The following MGAT3 variants were observed in gnomAD, a reference collection of about 807,000 sequenced individuals.
The protein encoded by MGAT3 is GlcNAc-T III.
Under a neutral mutation model 29.8 loss-of-function variants are expected in MGAT3, and 9 were observed. That is an observed-to-expected ratio of 0.30 (90% CI 0.18 to 0.53). The LOEUF (loss-of-function observed/expected upper bound fraction) is 0.53, where lower values mean the gene tolerates loss of function less well. Among genes scored for constraint, MGAT3 ranks in the 20% least tolerant of loss-of-function variants. MGAT3 has a pLI of 0.96. For missense variants in MGAT3, 557 were observed against 769.5 expected, an observed-to-expected ratio of 0.72 and a Z score of 3.27; for synonymous variants, 397 against 348.9, an observed-to-expected ratio of 1.14 and a Z score of -1.54.
chr22:39,466,137 TC>T (rs1218719910), intron 1 of MGAT3, among the ~76,000 whole-genome samples: 2 of 152,064 alleles, frequency 1.3e-5, no homozygotes, highest in African/African-American at 2.4e-5. Context: ...CTCTGTGCTT[TC>T]CTGATGTTCT....
chr22:39,483,171 C>T (rs1476514818), intron 1 of MGAT3, among the ~76,000 whole-genome samples: 1 of 152,202 alleles, frequency 6.6e-6, no homozygotes, highest in African/African-American at 2.4e-5. Context: ...TAGAGTGTCC[C>T]CCTCAGAGGC....
Position 39,489,205 on chromosome 22 carries a change from T to G in MGAT3, c.*256T>G. 1.7e-6 allele frequency: 1 copy of G among 589,874 alleles called. No individual in the cohort carries two copies. Among genetic ancestry groups the G allele is most frequent in the Non-Finnish European group, 3.0e-6 (1 of 328,010 alleles). 36.5% of individuals were successfully genotyped at this position (589,874 alleles called of 1,614,324 possible). A position where few individuals can be genotyped will look rare whatever the true frequency, so the allele number is the denominator to read the frequency against. ...GCCCTTATGACTGCCAAGACTGCTG[T>G]GGCCAGGAGGTGCCACTGGAGTGTG... On this transcript the variant is annotated 3_prime_UTR_variant, in exon 2 of 2. Transcript: ENST00000341184.
chr22:39,488,208 C>A lies in MGAT3; in HGVS notation c.861C>A (p.Ile287=). The A allele has an allele frequency of 6.2e-7, 1 of 1,612,722 alleles. No individual in the cohort carries two copies. Among genetic ancestry groups the A allele is most frequent in the South Asian group, 1.1e-5 (1 of 91,058 alleles). Residue 287 remains isoleucine, a synonymous_variant, in exon 2 of 2, where the codon ATC becomes ATA. Transcript: ENST00000341184. ...FPPGGRQDGW[I]ADDYLRTFLT... ...CCGGCGGCCGGCAGGACGGCTGGAT[C>A]GCCGACGACTACCTGCGCACCTTCC... is the stretch of plus-strand genomic sequence containing the variant.
Position 39,457,910 on chromosome 22 carries a change from C to T in MGAT3, c.-2+353C>T, listed in dbSNP as rs1412932900. Among the ~76,000 whole-genome samples the T allele has an allele frequency of 1.3e-5, 2 of 151,684 alleles. No individual in the cohort carries two copies. The highest frequency in any genetic ancestry group is 3.9e-4 in the East Asian group (2 of 5,100). ...TTTGTGCGCGGCACCCCCCAGCCTC[C>T]GGCGCGGCTCCCCCACAACCTCCGG... On this transcript the variant is annotated intron_variant, in intron 1 of 1. Transcript: ENST00000341184. This position sits in a 1 kb window ranked among gnomAD's most constrained non-coding sequence, Gnocchi z 6.8.
intron 1 of MGAT3, among the ~76,000 whole-genome samples, chr22:39,470,456 G>T (rs1267799883): frequency 6.6e-6 from 1 of 152,216 alleles, no homozygotes; most frequent in Non-Finnish European, 1.5e-5. Flanking sequence ...AGAAACGCAG[G>T]CATCAGATGG....
chr22:39,480,878 G>A (rs1235341363), intron 1 of MGAT3, among the ~76,000 whole-genome samples: 6 of 152,228 alleles, frequency 3.9e-5, no homozygotes, highest in Admixed American at 3.9e-4. Flanking sequence ...AGCAAATCCA[G>A]CAGAATCTGA....
chr22:39,471,671 A>G (rs1304945067), intron 1 of MGAT3, among the ~76,000 whole-genome samples: 1 of 152,060 alleles, frequency 6.6e-6, no homozygotes, highest in Non-Finnish European at 1.5e-5. Flanking sequence ...CACACAGGGC[A>G]TCGGTTCTAT....
chr22:39,488,916 C>G lies in MGAT3; in HGVS notation c.1569C>G (p.Pro523=), dbSNP rs1157208831. ...WRHRGPEGRP[P]ARGKLDEAEV ...ACAGGGGTCCCGAGGGAAGGCCGCC[C>G]GCCCGGGGCAAACTGGACGAGGCGG... Residue 523 remains proline (P), a synonymous_variant, in exon 2 of 2, where the codon CCC becomes CCG. Transcript: ENST00000341184. 5 of 1,604,576 alleles carry G rather than the reference C, an allele frequency of 3.1e-6. No individual in the cohort carries two copies. The highest frequency in any genetic ancestry group is 3.4e-6 in the Non-Finnish European group (4 of 1,176,040).
In MGAT3 at chr22:39,486,958, TC is replaced by T. The variant is rs1249639450; in HGVS notation, c.-1-385del. The stretch of plus-strand genomic sequence containing the variant: ...CAGGAGGGCAGCCTACAGCCTGCTC[TC>T]CCCGTTCTGTCCTGGGGCGGAGTCT... On this transcript the variant is annotated intron_variant, in intron 1 of 1. Coordinates refer to ENST00000341184, the MANE Select transcript of MGAT3 (RefSeq NM_002409.5). Among the ~76,000 whole-genome samples the T allele has an allele frequency of 2.6e-5, 4 of 152,298 alleles. No individual in the cohort carries two copies. In the East Asian group the frequency reaches 7.7e-4, roughly 29 times the overall value.
chr22:39,464,144 T>C (rs1471871276), intron 1 of MGAT3, among the ~76,000 whole-genome samples: 1 of 152,134 alleles, frequency 6.6e-6, no homozygotes, highest in Non-Finnish European at 1.5e-5. Flanking sequence ...CATGCTGTCA[T>C]CCTAGCACTT....
chr22:39,476,474 G>A (rs1210936601), intron 1 of MGAT3: 1 of 152,282 alleles, frequency 6.6e-6, no homozygotes, highest in Admixed American at 6.5e-5. Context: ...CATGGTGAAC[G>A]GGATTTGCAA....
chr22:39,489,182 C>T lies in MGAT3; in HGVS notation c.*233C>T, dbSNP rs549171749. 102 of 646,062 alleles carry T rather than the reference C, an allele frequency of 1.6e-4. No individual in the cohort carries two copies. In the East Asian group the frequency reaches 2.8e-3, roughly 18 times the overall value. The allele number at this position is 646,062 out of a possible 1,614,324, so 40.0% of individuals were successfully genotyped here. On this transcript the variant is annotated 3_prime_UTR_variant, in exon 2 of 2. Coordinates refer to ENST00000341184, the MANE Select transcript of MGAT3 (RefSeq NM_002409.5). ...GCGCAGGCCGTGACGTCTGGGTGGCCCTTATGACTGCCAAGACTGCTGTGG... is the reference window on the plus strand; with the variant it reads ...GCGCAGGCCGTGACGTCTGGGTGGCTCTTATGACTGCCAAGACTGCTGTGG...
At chr22:39,479,550 C>A (rs1173747509) in intron 1 of MGAT3, among the ~76,000 whole-genome samples, 1 of 152,244 alleles carries the variant, frequency 6.6e-6, no homozygotes, top group Non-Finnish European at 1.5e-5. Context: ...TAGGCTTAGG[C>A]CCTGCCAGGG....
At chr22:39,466,026 A>G (rs1300833566) in intron 1 of MGAT3, among the ~76,000 whole-genome samples, 1 of 152,138 alleles carries the variant, frequency 6.6e-6, no homozygotes, top group African/African-American at 2.4e-5. Context: ...TGGTTCCAGC[A>G]AAAGGTGCAT....
chr22:39,465,486 G>A (rs1013024198), intron 1 of MGAT3, among the ~76,000 whole-genome samples: 5 of 152,138 alleles, frequency 3.3e-5, no homozygotes, highest in Admixed American at 1.3e-4. Context: ...TGTGTAAGAC[G>A]CTTTGTTAAT....
rs768481593 is a variant in MGAT3 at position 39,488,109 on chromosome 22, G to A, written c.762G>A (p.Arg254=). Residue 254 remains arginine, a synonymous_variant, in exon 2 of 2, where the codon CGG becomes CGA. Transcript: ENST00000341184. ...AYGEPRPLKF[R]EMLTNGTFEY... ...GGGAGCCGCGGCCGCTCAAGTTCCG[G>A]GAGATGCTGACCAATGGCACCTTCG... 2.5e-6 allele frequency: 4 copies of A among 1,612,866 alleles called. No individual in the cohort carries two copies. In the Admixed American group the frequency reaches 5.0e-5, roughly 20 times the overall value.
In MGAT3 at chr22:39,488,130, C is replaced by T; in HGVS notation, c.783C>T (p.Thr261=). The T allele has an allele frequency of 6.2e-7, 1 of 1,613,086 alleles. No homozygotes were observed. The highest frequency in any genetic ancestry group is 8.5e-7 in the Non-Finnish European group (1 of 1,179,936). ...LKFREMLTNG[T]FEYIRHKVLY... Reference sequence around the variant, plus strand: ...TCCGGGAGATGCTGACCAATGGCACCTTCGAGTACATCCGCCACAAGGTGC... The same window carrying T: ...TCCGGGAGATGCTGACCAATGGCACTTTCGAGTACATCCGCCACAAGGTGC... The change falls in exon 2 of 2, where the codon ACC becomes ACT. Residue 261 remains threonine, a synonymous_variant. Transcript: ENST00000341184.
intron 1 of MGAT3, among the ~76,000 whole-genome samples, chr22:39,461,445 G>A (rs923335829): frequency 2.6e-5 from 4 of 152,092 alleles, no homozygotes; most frequent in Non-Finnish European, 2.9e-5. Context: ...TGACCCTGAC[G>A]CACACTTGCA....
At chr22:39,479,689 A>G (rs182682525) in intron 1 of MGAT3, among the ~76,000 whole-genome samples, 2 of 152,252 alleles carry the variant, frequency 1.3e-5, no homozygotes, top group African/African-American at 2.4e-5. Context: ...TGTGCTAGGC[A>G]TCTCATCGAT....
Sources: allele counts gnomAD v4.1 joint callset (sites outside exome capture counted in the v4.1 genomes callset), GRCh38; gene constraint gnomAD v4.1.1; non-coding constraint Gnocchi (gnomAD v3.1); transcripts MANE v1.5; gene names NCBI Gene and HGNC (gene_info 2026-07-23, HGNC 2026-07-21).